Variants in KMT2C observed in about 807,000 individuals in gnomAD.
KMT2C encodes the protein histone-lysine N-methyltransferase 2C.
KMT2C carries 88 observed loss-of-function variants against 507.9 expected under a neutral mutation model. The ratio of observed to expected loss-of-function variants is 0.17; its 90% CI spans 0.15 to 0.21. KMT2C has a LOEUF of 0.21. Among genes scored for constraint, KMT2C ranks in the 10% least tolerant of loss-of-function variants. The pLI, the probability that KMT2C is intolerant of heterozygous loss-of-function variation, is 1.00. For synonymous variants in KMT2C, 2,049 were observed against 2,080.8 expected (o/e 0.98, Z 0.42); for missense variants, 4,954 against 5,957.8 (o/e 0.83, Z 5.55).
intron 7 of KMT2C, among the ~76,000 whole-genome samples, chr7:152,269,622 G>C (rs934132079): frequency 6.6e-6 from 1 of 151,886 alleles, no homozygotes; most frequent in Non-Finnish European, 1.5e-5. Flanking sequence ...GGGCAGAGGA[G>C]TAAATTCCAG....
At chr7:152,265,772 G>A (rs1007695501) in intron 7 of KMT2C, among the ~76,000 whole-genome samples, 1 of 151,808 alleles carries the variant, frequency 6.6e-6, no homozygotes, top group African/African-American at 2.4e-5. Flanking sequence ...GAACATTAAA[G>A]ACAGAAGCTA....
rs372777838 is a variant in KMT2C at position 152,399,216 on chromosome 7, C to T, written c.161+36410G>A. Among the ~76,000 whole-genome samples the T allele has an allele frequency of 5.3e-5, 8 of 152,244 alleles. No individual in the cohort carries two copies. The East Asian group carries it at 9.6e-4, about 18-fold the overall frequency. Reference sequence around the variant, plus strand: ...CTACAACCTAACACATTCTGAAACACTGGATAAATAAATATCTAAATAATT... The same window carrying T: ...CTACAACCTAACACATTCTGAAACATTGGATAAATAAATATCTAAATAATT... On this transcript the variant is annotated intron_variant, in intron 1 of 58. Transcript: ENST00000262189.
rs1168042551 is a variant in KMT2C, at chr7:152,147,965, C to CA, written c.13894+67dup. The CA allele has an allele frequency of 6.2e-5, 91 of 1,457,398 alleles. No homozygotes were observed. In the East Asian group the frequency reaches 2.1e-3, roughly 33 times the overall value. 90.3% of individuals were successfully genotyped at this position (1,457,398 alleles called of 1,614,324 possible). ...ACATGAGACAAACATGGAAAATTGA[C>CA]AAAATACATTCATTAGCCTGACATC... On this transcript the variant is annotated intron_variant, in intron 52 of 58. Transcript: ENST00000262189.
At chr7:152,293,086 C>T (rs2096453225) in intron 6 of KMT2C, among the ~76,000 whole-genome samples, 1 of 151,686 alleles carries the variant, frequency 6.6e-6, no homozygotes, top group African/African-American at 2.4e-5. Context: ...TATAAAGCTA[C>T]AGTAACAATG....
In KMT2C at chr7:152,260,285, A is replaced by C. The variant is rs868301289; in HGVS notation, c.1299+2731T>G. ...TCTGTCACTCTCAAAAGAGAATAGC[A>C]GATTACAAAGAGCAAATTAGAAAGA... On this transcript the variant is annotated intron_variant, in intron 9 of 58. Coordinates refer to ENST00000262189, the MANE Select transcript of KMT2C (RefSeq NM_170606.3). Among the ~76,000 whole-genome samples, 10 of 152,336 alleles carry C rather than the reference A, an allele frequency of 6.6e-5. No homozygotes were observed. In the South Asian group the frequency reaches 2.1e-3, roughly 32 times the overall value.
chr7:152,302,174 G>A (rs966387901), intron 6 of KMT2C, among the ~76,000 whole-genome samples: 2 of 152,110 alleles, frequency 1.3e-5, no homozygotes, highest in Admixed American at 6.6e-5. Context: ...AGAAGGAAGA[G>A]ATTACCAATT....
intron 7 of KMT2C, among the ~76,000 whole-genome samples, chr7:152,271,289 C>A (rs2095962545): frequency 6.6e-6 from 1 of 152,090 alleles, no homozygotes; most frequent in Non-Finnish European, 1.5e-5. Flanking sequence ...CTGCAATATT[C>A]TTTAAATTAT....
Position 152,182,604 on chromosome 7 carries a change from T to A in KMT2C, c.5266-10A>T, listed in dbSNP as rs1169782538. 4 of 1,533,450 alleles carry A rather than the reference T, an allele frequency of 2.6e-6. No homozygotes were observed. Among genetic ancestry groups the A allele is most frequent in the Non-Finnish European group, 1.8e-6 (2 of 1,142,480 alleles). 95.0% of individuals were successfully genotyped at this position (1,533,450 alleles called of 1,614,324 possible). On this transcript the variant is annotated splice_polypyrimidine_tract_variant and intron_variant, in intron 35 of 58. Transcript: ENST00000262189. ...TTTTCTGACGCATTTGCTATTAAAA[T>A]AGAAAAGAAAAAGCAATCATATTTA...
intron 1 of KMT2C, among the ~76,000 whole-genome samples, chr7:152,376,443 T>C (rs1384061861): frequency 6.6e-6 from 1 of 152,218 alleles, no homozygotes; most frequent in Non-Finnish European, 1.5e-5. Flanking sequence ...CAGCCAATTG[T>C]GAATGTAAAT....
In KMT2C at chr7:152,176,223, C is replaced by T. The variant is rs549101307; in HGVS notation, c.9230G>A (p.Arg3077His). ...QQQRQMQAMIRQRSEPFFPNI... is the reference protein window; with the variant it reads ...QQQRQMQAMIHQRSEPFFPNI... ...AGGGAAGAACGGTTCTGATCGCTGA[C>T]GAATCATGGCTTGCATCTGTCTTTG... The change falls in exon 38 of 59, where the codon CGT becomes CAT. Residue 3077 changes from arginine (R) to histidine (H), a missense_variant. Physicochemically the swap from Arg to His is conservative, Grantham distance 29. Transcript: ENST00000262189. 5.4e-5 allele frequency: 87 copies of T among 1,611,030 alleles called. No homozygotes were observed. The highest frequency in any genetic ancestry group is 1.5e-4 in the South Asian group (14 of 90,692).
intron 6 of KMT2C, among the ~76,000 whole-genome samples, chr7:152,288,265 C>A (rs73483071): frequency 6.8e-6 from 1 of 147,048 alleles, no homozygotes; most frequent in African/African-American, 2.5e-5. Context: ...CAGGTGCGGT[C>A]GCTCAGGCCT....
intron 14 of KMT2C, among the ~76,000 whole-genome samples, chr7:152,247,654 T>C (rs1166889010): frequency 1.3e-5 from 2 of 152,304 alleles, no homozygotes; most frequent in African/African-American, 4.8e-5. Context: ...GAAACTATTA[T>C]CAATAGGTTG....
intron 52 of KMT2C, 45 bp downstream of exon 52, chr7:152,147,988 A>T: frequency 6.7e-7 from 1 of 1,498,642 alleles, no homozygotes; most frequent in Non-Finnish European, 8.9e-7. Flanking sequence ...TTAGCCTGAC[A>T]TCAGAGTAAG....
intron 2 of KMT2C, among the ~76,000 whole-genome samples, chr7:152,341,599 G>A (rs1289873208): frequency 6.6e-6 from 1 of 152,190 alleles, no homozygotes; most frequent in Non-Finnish European, 1.5e-5. Flanking sequence ...CACATATCCA[G>A]AAGGGAGAGT....
intron 4 of KMT2C, among the ~76,000 whole-genome samples, chr7:152,314,308 C>T (rs751219261): frequency 2.0e-5 from 3 of 152,108 alleles, no homozygotes; most frequent in Non-Finnish European, 2.9e-5. Context: ...TGAGTGATTA[C>T]ATCATAACCC....
chr7:152,251,419 T>C (rs1405137898), intron 11 of KMT2C, among the ~76,000 whole-genome samples: 1 of 152,224 alleles, frequency 6.6e-6, no homozygotes, highest in Non-Finnish European at 1.5e-5. Flanking sequence ...AGAGAAGTTT[T>C]ACAAAAGCTG....
intron 13 of KMT2C, among the ~76,000 whole-genome samples, 198 bp from the exon 14 acceptor site, chr7:152,248,818 G>T (rs1387056344): frequency 6.6e-6 from 1 of 152,174 alleles, no homozygotes; most frequent in Non-Finnish European, 1.5e-5. Context: ...AAAACCTAAT[G>T]AAAACATTAT....
intron 6 of KMT2C, among the ~76,000 whole-genome samples, chr7:152,305,306 T>C (rs1563795621): frequency 6.6e-6 from 1 of 152,322 alleles, no homozygotes. Flanking sequence ...TTGAAATCTT[T>C]GACAGCAAGC....
chr7:152,384,117 A>C (rs1179202280), intron 1 of KMT2C, among the ~76,000 whole-genome samples: 3 of 152,072 alleles, frequency 2.0e-5, no homozygotes, highest in East Asian at 3.9e-4. Context: ...GCCAAGAATG[A>C]GAAATCTGTA....
Sources: allele counts gnomAD v4.1 joint callset (sites outside exome capture counted in the v4.1 genomes callset), GRCh38; gene constraint gnomAD v4.1.1; transcripts MANE v1.5; gene names NCBI Gene and HGNC (gene_info 2026-07-23, HGNC 2026-07-21).